GALNTL6: variants seen among roughly 807,000 people sequenced by gnomAD.
GALNTL6 encodes the protein polypeptide N-acetylgalactosaminyltransferase like 6.
GALNTL6 carries 46 observed loss-of-function variants against 73.7 expected under a neutral mutation model. The ratio of observed to expected loss-of-function variants is 0.62; its 90% CI spans 0.49 to 0.80. The LOEUF (loss-of-function observed/expected upper bound fraction) is 0.80. Ranked by LOEUF, GALNTL6 falls within the 30% of genes least tolerant of loss-of-function variation. The pLI is 0.00. For missense variants in GALNTL6, 604 were observed against 755.0 expected, an observed-to-expected ratio of 0.80 and a Z score of 2.34; for synonymous variants, 259 against 263.7, an observed-to-expected ratio of 0.98 and a Z score of 0.17.
chr4:172,861,173 T>C (rs1029336167), intron 7 of GALNTL6, among the ~76,000 whole-genome samples: 5 of 152,168 alleles, frequency 3.3e-5, no homozygotes, highest in Admixed American at 2.0e-4. Context: ...GAGAATATAT[T>C]TTAGAATGCA....
chr4:172,582,747 GACACACACACACAC>G (rs35246163), intron 5 of GALNTL6, among the ~76,000 whole-genome samples: 4 of 142,734 alleles, frequency 2.8e-5, no homozygotes, highest in Middle Eastern at 3.4e-3. Context: ...CACACACACA[GACACACACACACAC>G]ACACACACAC....
Position 171,928,185 on chromosome 4 carries a change from T to G in GALNTL6, c.138+113467T>G, listed in dbSNP as rs1578980303. On this transcript the variant is annotated intron_variant, in intron 2 of 12. Transcript: ENST00000506823. Reference sequence around the variant, plus strand: ...TGATATCTATAAAATATTATATATGTGAGAAGTGTTTAGTGCAAAATAAGT... The same window carrying G: ...TGATATCTATAAAATATTATATATGGGAGAAGTGTTTAGTGCAAAATAAGT... 3.9e-5 allele frequency among the ~76,000 whole-genome samples: 6 copies of G among 152,338 alleles called. 1 individual carries two copies. In the South Asian group the frequency reaches 1.2e-3, roughly 32 times the overall value.
chr4:172,884,892 G>C (rs1745640254), intron 8 of GALNTL6, among the ~76,000 whole-genome samples: 1 of 152,052 alleles, frequency 6.6e-6, no homozygotes, highest in Admixed American at 6.6e-5. Context: ...TTTCCCCACT[G>C]TATGTTCTTG....
intron 7 of GALNTL6, among the ~76,000 whole-genome samples, chr4:172,840,494 T>A (rs149871566): frequency 2.4e-4 from 36 of 152,074 alleles, no homozygotes; most frequent in African/African-American, 8.5e-4. Context: ...TCTCTGAAAA[T>A]TTCATTATGA....
intron 5 of GALNTL6, among the ~76,000 whole-genome samples, chr4:172,610,184 A>G (rs1387910867): frequency 6.6e-6 from 1 of 151,698 alleles, no homozygotes; most frequent in Non-Finnish European, 1.5e-5. Flanking sequence ...TCATGTCTTA[A>G]TCTCCAGTTC....
intron 4 of GALNTL6, among the ~76,000 whole-genome samples, chr4:172,338,672 G>A (rs556746941): frequency 1.3e-5 from 2 of 152,290 alleles, no homozygotes; most frequent in South Asian, 2.1e-4. Context: ...TGTTTACTGC[G>A]AGATATTGCC....
intron 7 of GALNTL6, among the ~76,000 whole-genome samples, chr4:172,875,023 G>C (rs1335654545): frequency 6.6e-6 from 1 of 152,142 alleles, no homozygotes; most frequent in Non-Finnish European, 1.5e-5. Context: ...AGGCACCATA[G>C]CAAGGTGACT....
intron 5 of GALNTL6, among the ~76,000 whole-genome samples, chr4:172,768,374 T>C (rs1738562551): frequency 6.6e-6 from 1 of 151,884 alleles, no homozygotes; most frequent in Non-Finnish European, 1.5e-5. Context: ...GTATGGGAGG[T>C]CCCCAAACGC....
At chr4:172,150,190 T>C (rs7377365) in intron 2 of GALNTL6, among the ~76,000 whole-genome samples, 65,535 of 152,062 alleles carry the variant, frequency 0.43, 14,613 homozygotes, top group African/African-American at 0.52. Context: ...TATAATTCAG[T>C]GGAAACTGAT....
chr4:172,843,343 G>C (rs1469997865), intron 7 of GALNTL6, among the ~76,000 whole-genome samples: 1 of 152,136 alleles, frequency 6.6e-6, no homozygotes, highest in Non-Finnish European at 1.5e-5. Context: ...CCCCAGTTTT[G>C]ATATTTGAGA....
intron 4 of GALNTL6, among the ~76,000 whole-genome samples, chr4:172,347,188 CTA>C (rs1383283240): frequency 6.6e-6 from 1 of 151,854 alleles, no homozygotes; most frequent in Admixed American, 6.6e-5. Context: ...TGGGGTTTTG[CTA>C]TGTTGCCCAG....
intron 3 of GALNTL6, among the ~76,000 whole-genome samples, chr4:172,295,458 C>T (rs1307474086): frequency 6.8e-6 from 1 of 146,560 alleles, no homozygotes; most frequent in Non-Finnish European, 1.5e-5. Flanking sequence ...AAAATTGAGA[C>T]TGAGTATTAT....
At chr4:172,236,286 C>T (rs2654789) in intron 3 of GALNTL6, among the ~76,000 whole-genome samples, 77,911 of 152,012 alleles carry the variant, frequency 0.51, 21,843 homozygotes, top group East Asian at 0.86. Flanking sequence ...AGTATATTAG[C>T]TGCCAGGCGT....
At chr4:172,567,410 G>A (rs1736595466) in intron 5 of GALNTL6, among the ~76,000 whole-genome samples, 1 of 151,906 alleles carries the variant, frequency 6.6e-6, no homozygotes, top group Admixed American at 6.6e-5. Flanking sequence ...GGTTGATCCA[G>A]AATATGTAAA....
At chr4:172,947,098 A>C (rs1013296060) in intron 9 of GALNTL6, among the ~76,000 whole-genome samples, 1 of 152,166 alleles carries the variant, frequency 6.6e-6, no homozygotes, top group African/African-American at 2.4e-5. Context: ...AAGGGAAAAG[A>C]ATCCAAGGGG....
chr4:172,690,924 G>C (rs1291271859), intron 5 of GALNTL6, among the ~76,000 whole-genome samples: 1 of 152,146 alleles, frequency 6.6e-6, no homozygotes, highest in Non-Finnish European at 1.5e-5. Flanking sequence ...AGAGATTTCT[G>C]TAGAGGGAGT....
At chr4:172,079,564 A>T (rs1307642801) in intron 2 of GALNTL6, among the ~76,000 whole-genome samples, 1 of 152,040 alleles carries the variant, frequency 6.6e-6, no homozygotes, top group Non-Finnish European at 1.5e-5. Context: ...CACTCTTACC[A>T]CAATTTTGCG....
chr4:172,440,157 T>A (rs1296363446), intron 5 of GALNTL6, among the ~76,000 whole-genome samples: 5 of 151,938 alleles, frequency 3.3e-5, no homozygotes, highest in African/African-American at 1.2e-4. Context: ...CCCAAAGGAG[T>A]AGAAAACTTA....
intron 8 of GALNTL6, among the ~76,000 whole-genome samples, chr4:172,898,685 A>T (rs1746464282): frequency 6.6e-6 from 1 of 152,206 alleles, no homozygotes; most frequent in Non-Finnish European, 1.5e-5. Flanking sequence ...TAACTTTTAA[A>T]ATGTATGCAT....
Sources: allele counts gnomAD v4.1 joint callset (sites outside exome capture counted in the v4.1 genomes callset), GRCh38; gene constraint gnomAD v4.1.1; transcripts MANE v1.5; gene names NCBI Gene and HGNC (gene_info 2026-07-23, HGNC 2026-07-21).